PDE1A: variants seen among roughly 807,000 people sequenced by gnomAD.
PDE1A encodes the protein phosphodiesterase 1A.
In PDE1A, 35 loss-of-function variants were observed where a neutral mutation model predicts 61.7. The ratio of observed to expected loss-of-function variants is 0.57; its 90% CI spans 0.43 to 0.75. PDE1A has a LOEUF of 0.75. Ranked by LOEUF, PDE1A falls within the 30% of genes least tolerant of loss-of-function variation. PDE1A has a pLI of 0.00. For synonymous variants in PDE1A, 232 were observed against 213.2 expected (o/e 1.09, Z -0.77); for missense variants, 597 against 630.6 (o/e 0.95, Z 0.57).
In PDE1A at chr2:182,262,994, T is replaced by A. The variant is rs112149004; in HGVS notation, c.167+1307A>T. Among the ~76,000 whole-genome samples the A allele has an allele frequency of 8.2e-3, 1,238 of 150,892 alleles. 13 individuals are homozygous for A. Among genetic ancestry groups the A allele is most frequent in the African/African-American group, 0.028 (1,144 of 40,922 alleles). On this transcript the variant is annotated intron_variant, in intron 2 of 13. Transcript: ENST00000351439. ...GTGTGTGTGTGTGTGTGTGTGTGTA[T>A]CTGCGTGCCTGTGAAGTCCAGTACA...
chr2:182,345,918 T>TA (rs1698492324), intron 1 of PDE1A, among the ~76,000 whole-genome samples: 1 of 152,204 alleles, frequency 6.6e-6, no homozygotes, highest in African/African-American at 2.4e-5. Context: ...TATTGTTTAT[T>TA]ATCTGTCTCC....
At chr2:182,388,279 G>A (rs919573321) in intron 1 of PDE1A, among the ~76,000 whole-genome samples, 1 of 152,108 alleles carries the variant, frequency 6.6e-6, no homozygotes, top group Admixed American at 6.6e-5. Flanking sequence ...GATTCAACCA[G>A]ACAGAAAATC....
At chr2:182,195,366 G>A (rs367568908) in intron 10 of PDE1A, among the ~76,000 whole-genome samples, 1 of 152,022 alleles carries the variant, frequency 6.6e-6, no homozygotes, top group Non-Finnish European at 1.5e-5. Context: ...ATGGGAAAAG[G>A]TAAGAAGGTG....
the PDE1A span, among the ~76,000 whole-genome samples, chr2:182,592,719 A>G: frequency 2.0e-5 from 3 of 152,130 alleles, no homozygotes; most frequent in African/African-American, 7.2e-5. Context: ...GATAAATTAT[A>G]CTCCTGGTCA....
chr2:182,220,369 C>T (rs1411237341), intron 7 of PDE1A, among the ~76,000 whole-genome samples: 2 of 152,024 alleles, frequency 1.3e-5, no homozygotes, highest in African/African-American at 4.8e-5. Flanking sequence ...CCAAATCTAG[C>T]CATAGCAGAT....
At chr2:182,283,424 C>T (rs1693950429) in intron 1 of PDE1A, among the ~76,000 whole-genome samples, 1 of 151,694 alleles carries the variant, frequency 6.6e-6, no homozygotes, top group Admixed American at 6.6e-5. Context: ...CACACATACA[C>T]ACACACACAC....
At chr2:182,333,148 A>G (rs1559346758) in intron 1 of PDE1A, among the ~76,000 whole-genome samples, 2 of 152,204 alleles carry the variant, frequency 1.3e-5, no homozygotes, top group Non-Finnish European at 2.9e-5. Flanking sequence ...TTAACACTCC[A>G]CTGTCAATAT....
At chr2:182,306,889 G>T (rs1189474700) in intron 1 of PDE1A, among the ~76,000 whole-genome samples, 2 of 152,090 alleles carry the variant, frequency 1.3e-5, no homozygotes, top group Non-Finnish European at 2.9e-5. Context: ...ATGGGTCTGG[G>T]TATTGATTTT....
intron 2 of PDE1A, among the ~76,000 whole-genome samples, chr2:182,497,869 C>A (rs1688810750): frequency 6.6e-6 from 1 of 151,574 alleles, no homozygotes; most frequent in African/African-American, 2.4e-5. Flanking sequence ...CTTGAAACCC[C>A]GTCTCTACTG....
At chr2:182,240,228 G>C (rs763837353) in exon 3 of PDE1A, 1 of 1,612,796 alleles carries the variant, frequency 6.2e-7, no homozygotes, top group Non-Finnish European at 8.5e-7. Flanking sequence ...AACCAGTCCC[G>C]GACTTCAGAT....
At chr2:182,186,632 T>G in intron 11 of PDE1A, 44 bp from the exon 12 acceptor site, 1 of 1,554,342 alleles carries the variant, frequency 6.4e-7, no homozygotes, top group Non-Finnish European at 8.7e-7. Flanking sequence ...AATTCAAGTG[T>G]TACAATTTCC....
chr2:182,173,270 G>T (rs1291452142), intron 13 of PDE1A, among the ~76,000 whole-genome samples: 1 of 152,056 alleles, frequency 6.6e-6, no homozygotes, highest in Non-Finnish European at 1.5e-5. Flanking sequence ...GATGCTGATA[G>T]GCTGCCCAGG....
chr2:182,196,643 C>T (rs1686154097), intron 10 of PDE1A, among the ~76,000 whole-genome samples: 1 of 151,766 alleles, frequency 6.6e-6, no homozygotes, highest in African/African-American at 2.4e-5. Context: ...CCCATATAGG[C>T]ACCTACTGTT....
chr2:182,183,978 A>C (rs144657901), intron 13 of PDE1A, among the ~76,000 whole-genome samples: 30 of 150,692 alleles, frequency 2.0e-4, no homozygotes, highest in African/African-American at 6.6e-4. Context: ...AGAAGGAAGG[A>C]AGGAACAAAA....
At chr2:182,486,329 T>A (rs980900818) in intron 2 of PDE1A, among the ~76,000 whole-genome samples, 1 of 152,082 alleles carries the variant, frequency 6.6e-6, no homozygotes. Flanking sequence ...GGACATTATA[T>A]GTTTATGATG....
chr2:182,251,940 A>G (rs1163458541), intron 2 of PDE1A, among the ~76,000 whole-genome samples: 2 of 152,212 alleles, frequency 1.3e-5, no homozygotes, highest in African/African-American at 4.8e-5. Flanking sequence ...GAGCAGGGGT[A>G]TATTTGGAAG....
At chr2:182,303,941 G>T (rs369011645) in intron 1 of PDE1A, among the ~76,000 whole-genome samples, 1 of 151,642 alleles carries the variant, frequency 6.6e-6, no homozygotes, top group Admixed American at 6.6e-5. Flanking sequence ...TCGCTGTGTC[G>T]CCAGGCTGGA....
intron 9 of PDE1A, 29 bp downstream of exon 9, chr2:182,201,659 A>AAC: frequency 6.5e-7 from 1 of 1,549,170 alleles, no homozygotes. Flanking sequence ...ACAAAAAAAA[A>AAC]AAAACAACAA....
At chr2:182,594,219 A>G in the PDE1A span, among the ~76,000 whole-genome samples, 1 of 152,238 alleles carries the variant, frequency 6.6e-6, no homozygotes, top group Non-Finnish European at 1.5e-5. Flanking sequence ...TGTGCATTAA[A>G]TATAACCCAA....
Sources: gnomAD v4.1 joint callset for allele counts (sites outside exome capture counted in the v4.1 genomes callset) on GRCh38, gnomAD v4.1.1 for gene constraint, MANE v1.5 for transcripts, NCBI Gene and HGNC (gene_info 2026-07-23, HGNC 2026-07-21) for gene names.